HDAC3: variants seen among roughly 807,000 people sequenced by gnomAD.
The protein encoded by HDAC3 is SMAP45.
HDAC3 carries 21 observed loss-of-function variants against 62.3 expected under a neutral mutation model. The observed-to-expected ratio is 0.34, with a 90% confidence interval of 0.24 to 0.49. The LOEUF is 0.49. HDAC3 is among the 20% of genes least tolerant of loss of function. HDAC3 has a pLI of 0.99. For synonymous variants in HDAC3, 198 were observed against 206.5 expected, an observed-to-expected ratio of 0.96 and a Z score of 0.35; for missense variants, 270 against 556.9, an observed-to-expected ratio of 0.48 and a Z score of 5.19.
Position 141,626,246 on chromosome 5 carries a change from G to A in HDAC3, c.868C>T (p.Leu290=), listed in dbSNP as rs993129888. Residue 290 remains leucine (L), a synonymous_variant, in exon 11 of 15, where the codon CTA becomes TTA. Coordinates refer to ENST00000305264, the MANE Select transcript of HDAC3 (RefSeq NM_003883.4). The surrounding 1 kb of genome is among the most constrained non-coding windows in gnomAD (Gnocchi z 4.6). ...VEYVKSFNIP[L]LVLGGGGYTV... The stretch of plus-strand genomic sequence containing the variant: ...TAACCACCACCACCCAGCACGAGTA[G>A]AGGGATATTGAAGCTCTTGACATAT... The A allele has an allele frequency of 4.3e-6, 7 of 1,614,044 alleles. No individual in the cohort carries two copies. The African/African-American group carries it at 8.0e-5, about 18-fold the overall frequency.
chr5:141,624,405 A>AAAAAAAAAC, intron 14 of HDAC3, among the ~76,000 whole-genome samples: 1 of 146,654 alleles, frequency 6.8e-6, no homozygotes, highest in Non-Finnish European at 1.5e-5. Flanking sequence ...AAAAAAAAAA[A>AAAAAAAAAC]AATTAGCCAG....
At chr5:141,624,995 G>T in intron 14 of HDAC3, 1 of 531,624 alleles carries the variant, frequency 1.9e-6, no homozygotes. Context: ...TTGTGTGAAC[G>T]CCAACACCAT....
Position 141,621,544 on chromosome 5 carries a change from A to C in HDAC3, c.1218-7T>G. The C allele has an allele frequency of 6.2e-7, 1 of 1,612,028 alleles. No individual in the cohort carries two copies. Among genetic ancestry groups the C allele is most frequent in the Non-Finnish European group, 8.5e-7 (1 of 1,178,100 alleles). On this transcript the variant is annotated splice_polypyrimidine_tract_variant and splice_region_variant and intron_variant, in intron 14 of 14. Transcript: ENST00000305264. The stretch of plus-strand genomic sequence containing the variant: ...CTCATTGGGTGCCTCTGGCCTGCAA[A>C]GCAAGGGGAGAGAGGTCAGGATCTC...
chr5:141,634,999 TCCACAGGCTCAGA>T (rs774161158), intron 2 of HDAC3, 46 bp from the exon 3 acceptor site: 3 of 1,602,484 alleles, frequency 1.9e-6, no homozygotes, highest in Non-Finnish European at 2.6e-6. Context: ...TCAGCCCCAC[TCCACAGGCTCAGA>T]CCACCCATAC....
Position 141,629,639 on chromosome 5 carries a change from G to T in HDAC3, c.476+45C>A. On this transcript the variant is annotated intron_variant, in intron 6 of 14. Transcript: ENST00000305264. The surrounding 1 kb of genome is among the most constrained non-coding windows in gnomAD (Gnocchi z 5.3). ...GGGTTGAGACTGAGAGACCTCCTCA[G>T]CCAAGAATCCCGTAACTGCCCCCAT... 1 of 1,594,548 alleles carries T rather than the reference G, an allele frequency of 6.3e-7. No homozygotes were observed. The highest frequency in any genetic ancestry group is 8.6e-7 in the Non-Finnish European group (1 of 1,165,116).
intron 3 of HDAC3, 49 bp downstream of exon 3, chr5:141,634,762 G>C: frequency 6.3e-7 from 1 of 1,591,582 alleles, no homozygotes; most frequent in South Asian, 1.1e-5. Flanking sequence ...CCTCACTGAA[G>C]GGCTTGGCAT....
Position 141,629,468 on chromosome 5 carries a change from G to A in HDAC3, c.477-162C>T. On this transcript the variant is annotated intron_variant, in intron 6 of 14. Transcript: ENST00000305264. This position sits in a 1 kb window ranked among gnomAD's most constrained non-coding sequence, Gnocchi z 5.3. ...GGCAACTGGGGGCTCCAGCCTAGAG[G>A]CTAGAGGCAGGGACAGGAGAGGGAT... is the stretch of plus-strand genomic sequence containing the variant. 9.7e-7 allele frequency: 1 copy of A among 1,027,732 alleles called. No homozygotes were observed. The highest frequency in any genetic ancestry group is 1.4e-6 in the Non-Finnish European group (1 of 695,074). The allele number at this position is 1,027,732 out of a possible 1,614,324, so 63.7% of individuals were successfully genotyped here.
intron 3 of HDAC3, among the ~76,000 whole-genome samples, chr5:141,632,575 G>A (rs1377482420): frequency 5.3e-5 from 8 of 152,178 alleles, no homozygotes; most frequent in East Asian, 1.9e-4. Context: ...CCAGTGTGGC[G>A]TAAGGGCTGA....
intron 10 of HDAC3, among the ~76,000 whole-genome samples, chr5:141,627,350 T>C (rs575190242): frequency 1.3e-5 from 2 of 152,296 alleles, no homozygotes; most frequent in South Asian, 4.1e-4. Context: ...AGTGTTGGGA[T>C]TATAGGTGTG....
At chr5:141,624,345 G>C (rs1380919561) in intron 14 of HDAC3, among the ~76,000 whole-genome samples, 2 of 118,682 alleles carry the variant, frequency 1.7e-5, no homozygotes, top group Non-Finnish European at 1.6e-5. Context: ...GACCAGCCTG[G>C]GCAACAAGGC....
rs1359034222 is a variant in HDAC3 at position 141,626,165 on chromosome 5, A to T, written c.920+29T>A. ...GGGACACCCTAGCTCACACTGGACA[A>T]CAGGGGAGGAAATCAGGAGAGTGCT... is the stretch of plus-strand genomic sequence containing the variant. On this transcript the variant is annotated intron_variant, in intron 11 of 14. Coordinates refer to ENST00000305264, the MANE Select transcript of HDAC3 (RefSeq NM_003883.4). The surrounding 1 kb of genome is among the most constrained non-coding windows in gnomAD (Gnocchi z 4.6). 1 of 1,611,006 alleles carries T rather than the reference A, an allele frequency of 6.2e-7. No individual in the cohort carries two copies. The highest frequency in any genetic ancestry group is 8.5e-7 in the Non-Finnish European group (1 of 1,177,122).
Position 141,625,548 on chromosome 5 carries a change from G to T in HDAC3, c.1059+137C>A. The T allele has an allele frequency of 9.2e-7, 1 of 1,082,332 alleles. No individual in the cohort carries two copies. Among genetic ancestry groups the T allele is most frequent in the Non-Finnish European group, 1.4e-6 (1 of 717,446 alleles). The allele number at this position is 1,082,332 out of a possible 1,614,324, so 67.0% of individuals were successfully genotyped here. Reference sequence around the variant, plus strand: ...AACTGCCTCTACTTTAAACTGGACTGCCTCCTAGTCAATAACAGTGACTGT... The same window carrying T: ...AACTGCCTCTACTTTAAACTGGACTTCCTCCTAGTCAATAACAGTGACTGT... On this transcript the variant is annotated intron_variant, in intron 13 of 14. Transcript: ENST00000305264. The surrounding 1 kb of genome is among the most constrained non-coding windows in gnomAD (Gnocchi z 4.0).
chr5:141,629,524 G>A lies in HDAC3; in HGVS notation c.476+160C>T, dbSNP rs1425359999. On this transcript the variant is annotated intron_variant, in intron 6 of 14. Transcript: ENST00000305264. This position sits in a 1 kb window ranked among gnomAD's most constrained non-coding sequence, Gnocchi z 5.3. ...GAGAAGGCTGAAATGTGAGCAGGCA[G>A]TAGGGAATCTGCAGCAGTGGAAGAG... is the stretch of plus-strand genomic sequence containing the variant. 1 of 896,038 alleles carries A rather than the reference G, an allele frequency of 1.1e-6. No individual in the cohort carries two copies. Among genetic ancestry groups the A allele is most frequent in the Non-Finnish European group, 1.8e-6 (1 of 569,070 alleles). 55.5% of individuals were successfully genotyped at this position (896,038 alleles called of 1,614,324 possible). A position where few individuals can be genotyped will look rare whatever the true frequency, so the allele number is the denominator to read the frequency against.
rs34822844 is a variant in HDAC3 at position 141,629,198 on chromosome 5, G to A, written c.585C>T (p.Tyr195=). The change falls in exon 7 of 15, where the codon TAC becomes TAT. Residue 195 remains tyrosine (Y), a synonymous_variant. Coordinates refer to ENST00000305264, the MANE Select transcript of HDAC3 (RefSeq NM_003883.4). The surrounding 1 kb of genome is among the most constrained non-coding windows in gnomAD (Gnocchi z 5.3). ...CTGTGCCAGGGAAGAAGTAATTTCC[G>A]TATTTGTGGAAGGACACCGTCATGA... ...DRVMTVSFHK[Y]GNYFFPGTGD... 2.6e-5 allele frequency: 42 copies of A among 1,614,036 alleles called. No individual in the cohort carries two copies. The highest frequency in any genetic ancestry group is 1.6e-4 in the Middle Eastern group (1 of 6,084).
intron 3 of HDAC3, among the ~76,000 whole-genome samples, chr5:141,631,769 G>A (rs939421366): frequency 2.6e-5 from 4 of 152,108 alleles, no homozygotes; most frequent in African/African-American, 7.2e-5. Context: ...TGTCCTCATC[G>A]GTAAAAGGAA....
Position 141,628,644 on chromosome 5 carries a change from A to G in HDAC3, c.611-5T>C, listed in dbSNP as rs2099904787. The G allele has an allele frequency of 2.5e-6, 4 of 1,612,968 alleles. No individual in the cohort carries two copies. In the Admixed American group the frequency reaches 6.7e-5, roughly 27 times the overall value. On this transcript the variant is annotated splice_region_variant and splice_polypyrimidine_tract_variant and intron_variant, in intron 7 of 14. Transcript: ENST00000305264. The surrounding 1 kb of genome is among the most constrained non-coding windows in gnomAD (Gnocchi z 4.7). ...CCCCGACTTCATACATGTCACCTGTAGGGAAGTGGGTGGTGGTAGCCACAC... is the reference window on the plus strand; with the variant it reads ...CCCCGACTTCATACATGTCACCTGTGGGGAAGTGGGTGGTGGTAGCCACAC...
chr5:141,622,539 G>A (rs1228264748), intron 14 of HDAC3, among the ~76,000 whole-genome samples: 1 of 151,942 alleles, frequency 6.6e-6, no homozygotes, highest in Non-Finnish European at 1.5e-5. Flanking sequence ...GGGAGGCGGA[G>A]GTTGCAGTGA....
rs2099904262 is a variant in HDAC3, at chr5:141,624,986, T to C, written c.1217+222A>G. The C allele has an allele frequency of 1.2e-5, 6 of 518,962 alleles. No individual in the cohort carries two copies. In the Admixed American group the frequency reaches 2.3e-4, roughly 20 times the overall value. 32.1% of individuals were successfully genotyped at this position (518,962 alleles called of 1,614,324 possible). A position where few individuals can be genotyped will look rare whatever the true frequency, so the allele number is the denominator to read the frequency against. On this transcript the variant is annotated intron_variant, in intron 14 of 14. Coordinates refer to ENST00000305264, the MANE Select transcript of HDAC3 (RefSeq NM_003883.4). Reference sequence around the variant, plus strand: ...TACTCCTGTGGAATAGGTCTGGGATTGTGTGAACGCCAACACCATATTTTG... The same window carrying C: ...TACTCCTGTGGAATAGGTCTGGGATCGTGTGAACGCCAACACCATATTTTG...
chr5:141,636,667 C>A, intron 1 of HDAC3, 37 bp from the exon 2 acceptor site: 1 of 1,613,190 alleles, frequency 6.2e-7, no homozygotes, highest in Non-Finnish European at 8.5e-7. Flanking sequence ...CAGCTCTCAC[C>A]CCTGGAGTTG....
Sources: allele counts gnomAD v4.1 joint callset (sites outside exome capture counted in the v4.1 genomes callset), GRCh38; gene constraint gnomAD v4.1.1; non-coding constraint Gnocchi (gnomAD v3.1); transcripts MANE v1.5; gene names NCBI Gene and HGNC (gene_info 2026-07-23, HGNC 2026-07-21).